Variants in GDPD4 observed in about 807,000 individuals in gnomAD.
GDPD4 encodes the protein glycerophosphodiester phosphodiesterase domain containing 4.
GDPD4 carries 60 observed loss-of-function variants against 67.8 expected under a neutral mutation model. That is an observed-to-expected ratio of 0.88 (90% CI 0.72 to 1.10). The LOEUF is 1.10. GDPD4 is among the 50% of genes least tolerant of loss of function. GDPD4 has a pLI of 0.00. For missense variants in GDPD4, 623 were observed against 613.9 expected, an observed-to-expected ratio of 1.01 and a Z score of -0.16; for synonymous variants, 212 against 210.9, an observed-to-expected ratio of 1.00 and a Z score of -0.04.
At chr11:77,223,271 C>A (rs1260368039) in intron 16 of GDPD4, among the ~76,000 whole-genome samples, 1 of 152,158 alleles carries the variant, frequency 6.6e-6, no homozygotes, top group Non-Finnish European at 1.5e-5. Context: ...TGGCAAGGAG[C>A]TGCAATCCTT....
chr11:77,227,757 T>C (rs1021733593), intron 16 of GDPD4, 107 bp downstream of exon 16: 3 of 723,184 alleles, frequency 4.1e-6, no homozygotes, highest in Admixed American at 3.8e-5. Flanking sequence ...ACCCCCAACT[T>C]TCCAGACACC....
intron 1 of GDPD4, among the ~76,000 whole-genome samples, chr11:77,300,146 C>CAT (rs1227094233): frequency 6.9e-6 from 1 of 145,106 alleles, no homozygotes; most frequent in African/African-American, 2.9e-5. Flanking sequence ...ACCAGCTCTG[C>CAT]CCTGACTCAT....
At chr11:77,300,350 C>T (rs1938118522) in intron 1 of GDPD4, among the ~76,000 whole-genome samples, 1 of 152,122 alleles carries the variant, frequency 6.6e-6, no homozygotes, top group Non-Finnish European at 1.5e-5. Context: ...CTCACCATTG[C>T]TCCATATGTA....
intron 11 of GDPD4, among the ~76,000 whole-genome samples, chr11:77,252,382 CTA>C (rs1433142979): frequency 1.3e-5 from 2 of 152,004 alleles, no homozygotes; most frequent in African/African-American, 4.8e-5. Flanking sequence ...TTTACTGTAT[CTA>C]TGTTTTTGTT....
In GDPD4 at chr11:77,266,934, T is replaced by C. The variant is rs909971907; in HGVS notation, c.707+1523A>G. Among the ~76,000 whole-genome samples the C allele has an allele frequency of 4.6e-5, 7 of 152,300 alleles. No homozygotes were observed. The East Asian group carries it at 7.7e-4, about 17-fold the overall frequency. On this transcript the variant is annotated intron_variant, in intron 10 of 16. Transcript: ENST00000315938. Reference sequence around the variant, plus strand: ...TTTTATGAATTTGGTGCAATCTAAGTGAACAGTGTTTATAAAGTCTTCAGT... The same window carrying C: ...TTTTATGAATTTGGTGCAATCTAAGCGAACAGTGTTTATAAAGTCTTCAGT...
chr11:77,288,294 CACACTGCTA>C (rs1488633664), intron 1 of GDPD4, among the ~76,000 whole-genome samples: 3 of 152,162 alleles, frequency 2.0e-5, no homozygotes, highest in African/African-American at 7.2e-5. Context: ...ACCTGCCCTG[CACACTGCTA>C]ACACTGCCAG....
chr11:77,220,825 C>T (rs1039004896), intron 16 of GDPD4, among the ~76,000 whole-genome samples: 18 of 144,362 alleles, frequency 1.2e-4, no homozygotes, highest in Admixed American at 9.6e-4. Context: ...GCTGTGAATC[C>T]GTCTGGTCCT....
intron 4 of GDPD4, among the ~76,000 whole-genome samples, chr11:77,277,101 C>G (rs1959504807): frequency 6.6e-6 from 1 of 151,928 alleles, no homozygotes; most frequent in African/African-American, 2.4e-5. Flanking sequence ...TTATTGGACA[C>G]CTGAATTCAT....
intron 11 of GDPD4, among the ~76,000 whole-genome samples, chr11:77,248,337 G>A (rs985009298): frequency 6.6e-6 from 1 of 151,536 alleles, no homozygotes; most frequent in African/African-American, 2.4e-5. Flanking sequence ...CAAGTAGCTG[G>A]GATTACAGGC....
At chr11:77,284,540 T>A (rs1253136194) in intron 3 of GDPD4, among the ~76,000 whole-genome samples, 1 of 152,142 alleles carries the variant, frequency 6.6e-6, no homozygotes, top group Admixed American at 6.6e-5. Context: ...TAACAAGATT[T>A]GCAGGAAGGT....
intron 16 of GDPD4, among the ~76,000 whole-genome samples, chr11:77,220,368 A>C (rs1168503386): frequency 1.3e-5 from 2 of 152,306 alleles, no homozygotes; most frequent in Admixed American, 1.3e-4. Flanking sequence ...TATTATTTTG[A>C]GATATGTCCC....
Position 77,241,298 on chromosome 11 carries a change from C to T in GDPD4, c.1241+2396G>A, listed in dbSNP as rs1279927443. On this transcript the variant is annotated intron_variant, in intron 13 of 16. Coordinates refer to ENST00000315938, the MANE Select transcript of GDPD4 (RefSeq NM_182833.3). ...TTGTGAAAACATGGTTGAGCATGGGCGACATTATGGTAAGTGAAATAAGCC... is the reference window on the plus strand; with the variant it reads ...TTGTGAAAACATGGTTGAGCATGGGTGACATTATGGTAAGTGAAATAAGCC... Among the ~76,000 whole-genome samples the T allele has an allele frequency of 6.6e-5, 10 of 152,030 alleles. No individual in the cohort carries two copies. The East Asian group carries it at 9.6e-4, about 15-fold the overall frequency.
chr11:77,258,680 G>T, intron 10 of GDPD4, 138 bp from the exon 11 acceptor site: 1 of 698,510 alleles, frequency 1.4e-6, no homozygotes. Flanking sequence ...TTAGAAAAGG[G>T]CTACATATCA....
At chr11:77,243,176 G>C (rs975683674) in intron 13 of GDPD4, among the ~76,000 whole-genome samples, 3 of 152,066 alleles carry the variant, frequency 2.0e-5, no homozygotes, top group African/African-American at 7.2e-5. Context: ...GTCTCTAATT[G>C]TATATTTATA....
intron 11 of GDPD4, among the ~76,000 whole-genome samples, chr11:77,249,084 G>C (rs1181793801): frequency 6.6e-6 from 1 of 151,250 alleles, no homozygotes; most frequent in African/African-American, 2.4e-5. Context: ...GGCCAACATG[G>C]TGAAACCCTG....
Position 77,227,075 on chromosome 11 carries a change from C to T in GDPD4, c.1525+789G>A, listed in dbSNP as rs187742098. On this transcript the variant is annotated intron_variant, in intron 16 of 16. Transcript: ENST00000315938. ...CGGAAGGAAATTATATCCCACACCG[C>T]GCAGTCTTCTGCCTCCTAATTGGTT... Among the ~76,000 whole-genome samples, 4 of 152,230 alleles carry T rather than the reference C, an allele frequency of 2.6e-5. No homozygotes were observed. In the Admixed American group the frequency reaches 2.6e-4, roughly 10 times the overall value.
chr11:77,235,033 T>TTTTTTTTG (rs1958532226), intron 13 of GDPD4, among the ~76,000 whole-genome samples: 1 of 137,252 alleles, frequency 7.3e-6, no homozygotes, highest in Non-Finnish European at 1.5e-5. Context: ...TTTTTTTTTT[T>TTTTTTTTG]TTTTGACTTT....
At chr11:77,241,201 G>C (rs574702095) in intron 13 of GDPD4, among the ~76,000 whole-genome samples, 1 of 152,144 alleles carries the variant, frequency 6.6e-6, no homozygotes, top group Non-Finnish European at 1.5e-5. Flanking sequence ...ACAGATGAAT[G>C]GGTAAAGAAA....
chr11:77,250,372 G>T (rs568309636), intron 11 of GDPD4, among the ~76,000 whole-genome samples: 1 of 152,104 alleles, frequency 6.6e-6, no homozygotes, highest in East Asian at 1.9e-4. Context: ...AATTCACTTA[G>T]GATAATGGCC....
Sources: allele counts gnomAD v4.1 joint callset (sites outside exome capture counted in the v4.1 genomes callset), GRCh38; gene constraint gnomAD v4.1.1; transcripts MANE v1.5; gene names NCBI Gene and HGNC (gene_info 2026-07-23, HGNC 2026-07-21).